EGF: variants seen among roughly 807,000 people sequenced by gnomAD.
EGF encodes pro-epidermal growth factor.
EGF carries 95 observed loss-of-function variants against 143.8 expected under a neutral mutation model. The observed-to-expected ratio is 0.66, with a 90% CI of 0.56 to 0.78. The LOEUF (loss-of-function observed/expected upper bound fraction) is 0.78. Among genes scored for constraint, EGF ranks in the 30% least tolerant of loss-of-function variants. EGF has a pLI of 0.00. For missense variants in EGF, 1,320 were observed against 1,470.9 expected, an observed-to-expected ratio of 0.90 and a Z score of 1.68; for synonymous variants, 510 against 510.5, an observed-to-expected ratio of 1.00 and a Z score of 0.01.
At chr4:109,921,060 A>T (rs1244604658) in intron 1 of EGF, among the ~76,000 whole-genome samples, 4 of 151,500 alleles carry the variant, frequency 2.6e-5, no homozygotes, top group African/African-American at 9.8e-5. Context: ...AACAGAAGGG[A>T]TCTTTACACT....
rs778121711 is a variant in EGF, at chr4:109,943,375, C to G, written c.449C>G (p.Ser150Cys). ...GTAACAGATATGAAAGGAAATAATTCCCACATTCTTTTAAGTGCTTTAAAA... is the reference window on the plus strand; with the variant it reads ...GTAACAGATATGAAAGGAAATAATTGCCACATTCTTTTAAGTGCTTTAAAA... ...ITVTDMKGNN[S>C]HILLSALKYP... The change falls in exon 3 of 24, where the codon TCC (serine) becomes TGC (cysteine). Residue 150 changes from serine to cysteine, a missense_variant. Ser to Cys is a moderately radical substitution (Grantham distance 112). Transcript: ENST00000265171. 6.2e-7 allele frequency: 1 copy of G among 1,613,478 alleles called. No homozygotes were observed. The highest frequency in any genetic ancestry group is 2.2e-5 in the East Asian group (1 of 44,788).
In EGF at chr4:109,913,342, C is replaced by T. The variant is rs1333065336; in HGVS notation, c.7C>T (p.Leu3Phe). ...GTTCAAACTCATCAAGATTATGCTG[C>T]TCACTCTTATCATTCTGTTGCCAGT... Reference protein sequence around the residue: MLLTLIILLPVVS... With the variant: MLFTLIILLPVVS... Residue 3 changes from leucine to phenylalanine, a missense_variant, in exon 1 of 24, where the codon CTC becomes TTC. This residue lies in a region of EGF where 79 missense variants were observed against 71.2 expected (regional missense o/e 1.11). Transcript: ENST00000265171. The T allele has an allele frequency of 6.2e-7, 1 of 1,613,834 alleles. No individual in the cohort carries two copies.
chr4:109,971,818 G>C (rs1041500313), intron 11 of EGF, among the ~76,000 whole-genome samples: 1 of 152,012 alleles, frequency 6.6e-6, no homozygotes. Context: ...CAATCAAAAG[G>C]GGCAAAGTGG....
At chr4:109,921,013 A>G (rs1020934530) in intron 1 of EGF, among the ~76,000 whole-genome samples, 2 of 151,644 alleles carry the variant, frequency 1.3e-5, no homozygotes, top group Non-Finnish European at 2.9e-5. Context: ...GATGAATACT[A>G]TTATTGCCAG....
intron 5 of EGF, among the ~76,000 whole-genome samples, chr4:109,949,408 G>A (rs1743429133): frequency 6.6e-6 from 1 of 152,086 alleles, no homozygotes; most frequent in Non-Finnish European, 1.5e-5. Flanking sequence ...GTTACTTAGG[G>A]GAAAAAACCT....
Position 109,960,896 on chromosome 4 carries a change from G to A in EGF, c.1096G>A (p.Gly366Ser), listed in dbSNP as rs753971021. 1.2e-6 allele frequency: 2 copies of A among 1,613,934 alleles called. No homozygotes were observed. The highest frequency in any genetic ancestry group is 1.7e-6 in the Non-Finnish European group (2 of 1,179,886). Residue 366 changes from glycine to serine, a missense_variant, in exon 7 of 24, where the codon GGC (glycine) becomes AGC (serine). This residue lies in a region of EGF where 1,186 missense variants were observed against 1,313.7 expected (regional missense o/e 0.90). Transcript: ENST00000265171. ...TAATGAATGTGCTTTTTGGAATCATGGCTGTACTCTTGGGTGTAAAAACAC... is the reference window on the plus strand; with the variant it reads ...TAATGAATGTGCTTTTTGGAATCATAGCTGTACTCTTGGGTGTAAAAACAC... ...DVNECAFWNHGCTLGCKNTPG... is the reference protein window; with the variant it reads ...DVNECAFWNHSCTLGCKNTPG...
At chr4:109,959,189 T>C in intron 5 of EGF, 123 bp from the exon 6 acceptor site, 1 of 1,493,256 alleles carries the variant, frequency 6.7e-7, no homozygotes, top group Non-Finnish European at 9.1e-7. Context: ...TAAGTTTGCC[T>C]CCGTGAGAGA....
intron 22 of EGF, among the ~76,000 whole-genome samples, chr4:110,005,400 T>C (rs905961392): frequency 6.6e-6 from 1 of 152,154 alleles, no homozygotes; most frequent in African/African-American, 2.4e-5. Context: ...AATATTTCTT[T>C]TCTCACACAC....
Position 109,913,165 on chromosome 4 carries a change from G to A in EGF, c.-171G>A. 1.4e-6 allele frequency: 1 copy of A among 707,696 alleles called. No homozygotes were observed. 43.8% of individuals were successfully genotyped at this position (707,696 alleles called of 1,614,324 possible). On this transcript the variant is annotated 5_prime_UTR_variant, in exon 1 of 24. Transcript: ENST00000265171. ...CAGGCTGCATTCAGAAGGTCTCTCA[G>A]TTGAAGAAAGAGCTTGGAGGACAAC...
At chr4:110,009,251 T>C (rs900233379) in intron 23 of EGF, among the ~76,000 whole-genome samples, 5 of 152,154 alleles carry the variant, frequency 3.3e-5, no homozygotes, top group African/African-American at 1.2e-4. Flanking sequence ...CTACAATAAA[T>C]AGTATAGTAT....
At position 109,988,602 on chromosome 4, in the gene EGF, T is replaced by C; in HGVS notation, c.2627T>C (p.Met876Thr). The C allele has an allele frequency of 6.2e-7, 1 of 1,614,066 alleles. No homozygotes were observed. Among genetic ancestry groups the C allele is most frequent in the Non-Finnish European group, 8.5e-7 (1 of 1,179,928 alleles). ...KLCSDIDECE[M>T]GVPVCPPASS... Reference sequence around the variant, plus strand: ...CCCACAGATATAGATGAATGTGAGATGGGTGTCCCAGTGTGCCCCCCTGCC... The same window carrying C: ...CCCACAGATATAGATGAATGTGAGACGGGTGTCCCAGTGTGCCCCCCTGCC... Residue 876 changes from methionine (M) to threonine (T), a missense_variant, in exon 18 of 24, where the codon ATG (methionine) becomes ACG (threonine). This residue lies in a region of EGF where 1,186 missense variants were observed against 1,313.7 expected (regional missense o/e 0.90). Transcript: ENST00000265171.
chr4:109,975,646 G>A (rs1748377188), intron 12 of EGF, among the ~76,000 whole-genome samples: 1 of 152,188 alleles, frequency 6.6e-6, no homozygotes, highest in African/African-American at 2.4e-5. Context: ...CAGAAGAACA[G>A]GCGAGCAAGA....
Position 110,001,730 on chromosome 4 carries a change from C to T in EGF, c.3173+1884C>T, listed in dbSNP as rs188153505. On this transcript the variant is annotated intron_variant, in intron 21 of 23. Coordinates refer to ENST00000265171, the MANE Select transcript of EGF (RefSeq NM_001963.6). ...AGCTCAGCTGAAAGATGACTATAGA[C>T]TTTACATACATATAAGAGTATCTTC... 193 of 985,366 alleles carry T rather than the reference C, an allele frequency of 2.0e-4. 2 individuals are homozygous for T. In the Admixed American group the frequency reaches 4.5e-3, roughly 23 times the overall value. 61.0% of individuals were successfully genotyped at this position (985,366 alleles called of 1,614,324 possible).
intron 1 of EGF, among the ~76,000 whole-genome samples, chr4:109,930,584 A>G (rs1468491471): frequency 6.6e-6 from 1 of 152,156 alleles, no homozygotes; most frequent in Non-Finnish European, 1.5e-5. Context: ...CACCTGATAG[A>G]CAGCTAGGAT....
rs186267275 is a variant in EGF, at chr4:109,948,991, T to C, written c.940+3716T>C. Among the ~76,000 whole-genome samples, 623 of 152,354 alleles carry C rather than the reference T, an allele frequency of 4.1e-3. 5 individuals are homozygous for C. Among genetic ancestry groups the C allele is most frequent in the Admixed American group, 0.024 (366 of 15,306 alleles). On this transcript the variant is annotated intron_variant, in intron 5 of 23. Transcript: ENST00000265171. ...TTTTGTTATAAAATATAAATATTTA[T>C]ACAAATATGAGTATCAATAAACTTA...
In EGF at chr4:109,943,391, T is replaced by G. The variant is rs138035348; in HGVS notation, c.465T>G (p.Ser155Arg). The change falls in exon 3 of 24, where the codon AGT becomes AGG. Residue 155 changes from serine (S) to arginine (R), a missense_variant. By Grantham distance (110) the Ser-to-Arg change is moderately radical. Around this residue, in one of 5 missense-constraint regions of EGF, gnomAD observed 1,186 missense variants for 1,313.7 expected, o/e 0.90. Transcript: ENST00000265171. The part of the protein sequence containing the change: ...MKGNNSHILL[S>R]ALKYPANVAV... ...GAAATAATTCCCACATTCTTTTAAG[T>G]GCTTTAAAATATCCTGCAAATGTAG... 1.1e-5 allele frequency: 18 copies of G among 1,613,696 alleles called. No individual in the cohort carries two copies. The African/African-American group carries it at 2.1e-4, about 19-fold the overall frequency.
chr4:109,971,834 T>C (rs1275660423), intron 11 of EGF, among the ~76,000 whole-genome samples: 4 of 152,188 alleles, frequency 2.6e-5, no homozygotes, highest in African/African-American at 4.8e-5. Context: ...AGTGGGATGC[T>C]TGCAGTTCCT....
chr4:109,972,269 C>G (rs887110938), intron 11 of EGF, among the ~76,000 whole-genome samples: 5 of 152,194 alleles, frequency 3.3e-5, no homozygotes, highest in Non-Finnish European at 7.3e-5. Context: ...TTGAGATTTG[C>G]TCTCTAGCTG....
At position 109,980,030 on chromosome 4, in the gene EGF, G is replaced by A; in HGVS notation, c.2112G>A (p.Met704Ile). The change falls in exon 14 of 24, where the codon ATG (methionine) becomes ATA (isoleucine). Residue 704 changes from methionine to isoleucine, a missense_variant. This residue lies in a region of EGF where 1,186 missense variants were observed against 1,313.7 expected (regional missense o/e 0.90). Transcript: ENST00000265171. ...EDYVWFSDWAMPSVMRVNKRT... is the reference protein window; with the variant it reads ...EDYVWFSDWAIPSVMRVNKRT... The stretch of plus-strand genomic sequence containing the variant: ...ATGTGTGGTTCTCAGATTGGGCTAT[G>A]CCATCAGTAATGAGAGTAAACAAGA... 1 of 1,614,074 alleles carries A rather than the reference G, an allele frequency of 6.2e-7. No homozygotes were observed. The highest frequency in any genetic ancestry group is 1.3e-5 in the African/African-American group (1 of 75,034).
Sources: gnomAD v4.1 joint callset for allele counts (sites outside exome capture counted in the v4.1 genomes callset) on GRCh38, gnomAD v4.1.1 for gene constraint, gnomAD v4.1.1 regional missense constraint, MANE v1.5 for transcripts, NCBI Gene and HGNC (gene_info 2026-07-23, HGNC 2026-07-21) for gene names.